DNAJC1: variants seen among roughly 807,000 people sequenced by gnomAD.
The protein encoded by DNAJC1 is DnaJ heat shock protein family (Hsp40) member C1.
DNAJC1 carries 58 observed loss-of-function variants against 76.6 expected under a neutral mutation model. That is an observed-to-expected ratio of 0.76 (90% CI 0.61 to 0.94). DNAJC1 has a LOEUF of 0.94. Ranked by LOEUF, DNAJC1 falls within the 40% of genes least tolerant of loss-of-function variation. The pLI is 0.00. For synonymous variants in DNAJC1, 258 were observed against 267.9 expected (o/e 0.96, Z 0.36); for missense variants, 689 against 677.3 (o/e 1.02, Z -0.19).
intron 6 of DNAJC1, among the ~76,000 whole-genome samples, chr10:21,910,928 G>GGAGAGAGAGAAAGAGACAAAGAA (rs1242924523): frequency 6.9e-6 from 1 of 144,232 alleles, no homozygotes; most frequent in Non-Finnish European, 1.5e-5. Context: ...AGAGAGAGAT[G>GGAGAGAGAGAAAGAGACAAAGAA]GAGAGAGAGA....
At chr10:21,771,974 C>G (rs1285120540) in intron 9 of DNAJC1, among the ~76,000 whole-genome samples, 2 of 152,172 alleles carry the variant, frequency 1.3e-5, no homozygotes, top group African/African-American at 4.8e-5. Context: ...AATCTTCACC[C>G]AGGCTGAAGT....
At chr10:21,943,861 G>A (rs933639481) in intron 1 of DNAJC1, among the ~76,000 whole-genome samples, 19 of 152,014 alleles carry the variant, frequency 1.2e-4, no homozygotes, top group African/African-American at 4.6e-4. Context: ...TGAGAAAGAT[G>A]GCTGTGGTCA....
At chr10:21,839,628 A>C (rs975971447) in intron 8 of DNAJC1, among the ~76,000 whole-genome samples, 5 of 152,202 alleles carry the variant, frequency 3.3e-5, no homozygotes, top group African/African-American at 1.2e-4. Flanking sequence ...CAACCAAAAA[A>C]AGCCCAGGAC....
chr10:21,780,743 C>T (rs969266881), intron 9 of DNAJC1, among the ~76,000 whole-genome samples: 4 of 152,140 alleles, frequency 2.6e-5, no homozygotes, highest in Admixed American at 2.6e-4. Context: ...TCACACATAA[C>T]AATATTAACC....
chr10:21,762,258 G>A (rs1444826258), intron 10 of DNAJC1, among the ~76,000 whole-genome samples: 2 of 152,102 alleles, frequency 1.3e-5, no homozygotes, highest in Non-Finnish European at 2.9e-5. Context: ...TCTAATATAT[G>A]TATATTTACT....
chr10:21,869,603 C>T (rs977902153), intron 8 of DNAJC1, among the ~76,000 whole-genome samples: 1 of 152,088 alleles, frequency 6.6e-6, no homozygotes, highest in Non-Finnish European at 1.5e-5. Context: ...TGGTTGCTAA[C>T]GTTTGGCTCA....
At position 22,003,503 on chromosome 10, in the gene DNAJC1, C is replaced by T. The variant is rs1838562254; in HGVS notation, c.-69G>A. On this transcript the variant is annotated 5_prime_UTR_variant, in exon 1 of 12. Transcript: ENST00000376980. ...CCGAGAGCTGGGACGTGGCGGGCGG[C>T]GCTGGCTGTGGGGAACAGCGCCTGT... The T allele has an allele frequency of 2.3e-6, 3 of 1,300,382 alleles. No homozygotes were observed. Among genetic ancestry groups the T allele is most frequent in the East Asian group, 6.4e-5 (2 of 31,308 alleles). 80.6% of individuals were successfully genotyped at this position (1,300,382 alleles called of 1,614,324 possible). A position where few individuals can be genotyped will look rare whatever the true frequency, so the allele number is the denominator to read the frequency against.
intron 9 of DNAJC1, among the ~76,000 whole-genome samples, chr10:21,773,932 G>A (rs1419303878): frequency 6.6e-6 from 1 of 151,394 alleles, no homozygotes; most frequent in Non-Finnish European, 1.5e-5. Flanking sequence ...ACGAGGTCAG[G>A]AGATCGAGAC....
At chr10:21,954,851 A>G (rs1468955534) in intron 1 of DNAJC1, among the ~76,000 whole-genome samples, 1 of 152,210 alleles carries the variant, frequency 6.6e-6, no homozygotes, top group Non-Finnish European at 1.5e-5. Context: ...AAGAGGTTAA[A>G]TAACCACCCA....
chr10:21,993,700 A>G (rs1838365291), intron 1 of DNAJC1, among the ~76,000 whole-genome samples: 1 of 152,088 alleles, frequency 6.6e-6, no homozygotes, highest in Non-Finnish European at 1.5e-5. Context: ...CTCAGCTACT[A>G]CCTCTATCTC....
chr10:21,898,727 A>AT (rs1296504442), intron 7 of DNAJC1, among the ~76,000 whole-genome samples: 1 of 151,110 alleles, frequency 6.6e-6, no homozygotes, highest in Non-Finnish European at 1.5e-5. Context: ...TAATTTTTGT[A>AT]TTTTTTAGTA....
chr10:21,838,224 C>A (rs1648129998), intron 8 of DNAJC1, among the ~76,000 whole-genome samples: 1 of 152,190 alleles, frequency 6.6e-6, no homozygotes, highest in South Asian at 2.1e-4. Context: ...CAGATTGTTG[C>A]TGTGTCTGTG....
intron 8 of DNAJC1, among the ~76,000 whole-genome samples, chr10:21,845,957 T>A (rs1411896797): frequency 6.6e-6 from 1 of 152,194 alleles, no homozygotes; most frequent in African/African-American, 2.4e-5. Context: ...TCAGATTTCC[T>A]TAACCACCTC....
At chr10:21,985,949 C>T (rs980483382) in intron 1 of DNAJC1, among the ~76,000 whole-genome samples, 3 of 152,004 alleles carry the variant, frequency 2.0e-5, no homozygotes, top group East Asian at 3.9e-4. Flanking sequence ...CTGCCACGGC[C>T]GGGCACGGTG....
At position 21,918,809 on chromosome 10, in the gene DNAJC1, AAGGCAAAACCAAATCCCC is replaced by A; in HGVS notation, c.681_698del (p.Gly228_Leu233del). The A allele has an allele frequency of 1.2e-6, 2 of 1,613,292 alleles. No individual in the cohort carries two copies. The highest frequency in any genetic ancestry group is 1.7e-6 in the Non-Finnish European group (2 of 1,179,362). On this transcript the variant is annotated inframe_deletion, in exon 6 of 12. Coordinates refer to ENST00000376980, the MANE Select transcript of DNAJC1 (RefSeq NM_022365.4). ...TGAGGTGAGGTAATGCTTTTAGTGT[AAGGCAAAACCAAATCCCC>A]AGTTTGCATGGAAGCAAATCATGCC... is the stretch of plus-strand genomic sequence containing the variant.
At chr10:21,878,394 C>A (rs899873873) in intron 8 of DNAJC1, among the ~76,000 whole-genome samples, 3 of 152,186 alleles carry the variant, frequency 2.0e-5, no homozygotes, top group Admixed American at 2.0e-4. Flanking sequence ...AGTAGGTACA[C>A]TGTGTGCTAC....
intron 9 of DNAJC1, among the ~76,000 whole-genome samples, chr10:21,786,926 G>A (rs1834618976): frequency 6.6e-6 from 1 of 152,106 alleles, no homozygotes; most frequent in Non-Finnish European, 1.5e-5. Flanking sequence ...ATAAAGGAGG[G>A]AGTATGTAAT....
At chr10:21,963,983 C>T (rs1837846033) in intron 1 of DNAJC1, among the ~76,000 whole-genome samples, 1 of 152,142 alleles carries the variant, frequency 6.6e-6, no homozygotes, top group African/African-American at 2.4e-5. Flanking sequence ...CTTTCCCCAC[C>T]CCTACTCCCC....
intron 9 of DNAJC1, among the ~76,000 whole-genome samples, chr10:21,791,158 G>T (rs773451977): frequency 3.9e-5 from 6 of 152,126 alleles, no homozygotes; most frequent in Non-Finnish European, 8.8e-5. Context: ...ATGATAAAAG[G>T]ATCAATTCAG....
Sources: allele counts gnomAD v4.1 joint callset (sites outside exome capture counted in the v4.1 genomes callset), GRCh38; gene constraint gnomAD v4.1.1; transcripts MANE v1.5; gene names NCBI Gene and HGNC (gene_info 2026-07-23, HGNC 2026-07-21).